The following LRMDA variants were observed in gnomAD, a reference collection of about 807,000 sequenced individuals.
The protein encoded by LRMDA is leucine-rich melanocyte differentiation-associated protein.
LRMDA carries 18 observed loss-of-function variants against 29.8 expected under a neutral mutation model. The observed-to-expected ratio is 0.60, with a 90% CI of 0.42 to 0.90. LRMDA has a LOEUF of 0.90. Ranked by LOEUF, LRMDA falls within the 40% of genes least tolerant of loss-of-function variation. LRMDA has a pLI of 0.00. For missense variants in LRMDA, 273 were observed against 273.9 expected (o/e 1.00, Z 0.02); for synonymous variants, 125 against 109.4 (o/e 1.14, Z -0.89).
intron 2 of LRMDA, among the ~76,000 whole-genome samples, chr10:75,581,301 A>G (rs576956270): frequency 2.6e-5 from 4 of 152,376 alleles, no homozygotes; most frequent in South Asian, 2.1e-4. Flanking sequence ...TGCAGCCAAT[A>G]TACATATGAA....
At chr10:75,445,567 T>G (rs1844382671) in intron 2 of LRMDA, among the ~76,000 whole-genome samples, 1 of 38 alleles carries the variant, frequency 0.026, no homozygotes, top group East Asian at 0.5. Context: ...TTCTGTGCTT[T>G]AGCCGGGTTG....
At chr10:76,041,580 C>T (rs1199559635) in intron 3 of LRMDA, among the ~76,000 whole-genome samples, 1 of 152,170 alleles carries the variant, frequency 6.6e-6, no homozygotes, top group African/African-American at 2.4e-5. Flanking sequence ...GCCCTTTAAC[C>T]CGCAGCTGAG....
At chr10:76,428,437 A>G (rs1040247955) in intron 6 of LRMDA, among the ~76,000 whole-genome samples, 2 of 152,052 alleles carry the variant, frequency 1.3e-5, no homozygotes, top group Admixed American at 6.6e-5. Flanking sequence ...TCATCTTTTA[A>G]CTTCATGATG....
intron 5 of LRMDA, among the ~76,000 whole-genome samples, chr10:76,252,189 C>A (rs191080939): frequency 6.6e-6 from 1 of 152,156 alleles, no homozygotes. Flanking sequence ...GTCCGGGAGG[C>A]CAACCGGGAG....
At chr10:75,991,052 AGT>A (rs1338717983) in intron 2 of LRMDA, among the ~76,000 whole-genome samples, 9 of 152,206 alleles carry the variant, frequency 5.9e-5, no homozygotes, top group African/African-American at 1.9e-4. Context: ...GATGGTAAAC[AGT>A]GTAGACTTAG....
At chr10:75,942,738 C>T (rs566084852) in intron 2 of LRMDA, among the ~76,000 whole-genome samples, 12 of 152,272 alleles carry the variant, frequency 7.9e-5, no homozygotes, top group African/African-American at 2.4e-4. Context: ...CACACTGGGT[C>T]TTTGGGTTCC....
chr10:76,088,187 C>T lies in LRMDA; in HGVS notation c.516+29404C>T, dbSNP rs190147940. 8.0e-4 allele frequency among the ~76,000 whole-genome samples: 122 copies of T among 152,186 alleles called. 1 individual carries two copies. In the East Asian group the frequency reaches 0.021, roughly 26 times the overall value. On this transcript the variant is annotated intron_variant, in intron 5 of 6. Coordinates refer to ENST00000611255, the MANE Select transcript of LRMDA (RefSeq NM_001305581.2). The stretch of plus-strand genomic sequence containing the variant: ...ACAGTGGCACCTAAACCTGGCAGAG[C>T]GGAAAGTGATCCATCACTGCTGTAA...
intron 5 of LRMDA, among the ~76,000 whole-genome samples, chr10:76,316,133 G>T (rs889199890): frequency 1.1e-4 from 17 of 152,206 alleles, no homozygotes; most frequent in Admixed American, 1.0e-3. Flanking sequence ...ACACGTTGCA[G>T]GTAATGAGAA....
At chr10:76,166,168 T>C (rs1315422088) in intron 5 of LRMDA, among the ~76,000 whole-genome samples, 1 of 152,210 alleles carries the variant, frequency 6.6e-6, no homozygotes, top group Non-Finnish European at 1.5e-5. Flanking sequence ...CACATATTTA[T>C]GGGTCATTTT....
At chr10:75,947,539 A>G (rs1846498031) in intron 2 of LRMDA, among the ~76,000 whole-genome samples, 1 of 152,036 alleles carries the variant, frequency 6.6e-6, no homozygotes, top group Admixed American at 6.5e-5. Context: ...AAGGGGAGGG[A>G]CCCTTGGGTA....
chr10:76,081,785 A>G (rs937039644), intron 5 of LRMDA, among the ~76,000 whole-genome samples: 2 of 152,254 alleles, frequency 1.3e-5, no homozygotes, highest in African/African-American at 2.4e-5. Context: ...GTACACACAT[A>G]CATGCTTACC....
chr10:75,867,130 A>G (rs1182665275), intron 2 of LRMDA, among the ~76,000 whole-genome samples: 1 of 152,168 alleles, frequency 6.6e-6, no homozygotes, highest in Non-Finnish European at 1.5e-5. Context: ...CACCCTGTCA[A>G]TAAATATCCT....
At chr10:75,436,434 G>C (rs1223214429) in intron 1 of LRMDA, among the ~76,000 whole-genome samples, 5 of 151,854 alleles carry the variant, frequency 3.3e-5, no homozygotes, top group Non-Finnish European at 5.9e-5. Context: ...TGGACCTGGG[G>C]TTCATTGTGA....
intron 2 of LRMDA, among the ~76,000 whole-genome samples, chr10:75,739,065 G>A (rs540820989): frequency 2.4e-4 from 36 of 152,306 alleles, no homozygotes; most frequent in Non-Finnish European, 3.4e-4. Flanking sequence ...CTGTGTGGCC[G>A]CTGCGAGAGG....
chr10:75,896,841 T>TTGTGTGTGTGTGTGTGTGTGTG (rs35428137), intron 2 of LRMDA, among the ~76,000 whole-genome samples: 8 of 147,442 alleles, frequency 5.4e-5, no homozygotes, highest in South Asian at 4.4e-4. Context: ...GAGTGTGCAT[T>TTGTGTGTGTGTGTGTGTGTGTG]TGTGTGTGTG....
intron 6 of LRMDA, among the ~76,000 whole-genome samples, chr10:76,489,017 T>C (rs1050519964): frequency 6.6e-6 from 1 of 151,898 alleles, no homozygotes; most frequent in African/African-American, 2.4e-5. Flanking sequence ...TCAGAATTGA[T>C]ACCAGAATTA....
At chr10:76,025,858 A>C (rs1052925381) in intron 2 of LRMDA, among the ~76,000 whole-genome samples, 4 of 152,186 alleles carry the variant, frequency 2.6e-5, no homozygotes, top group Non-Finnish European at 5.9e-5. Context: ...TTATCTGGTA[A>C]CTGCTTCCCT....
chr10:76,164,312 A>G (rs1850696937), intron 5 of LRMDA, among the ~76,000 whole-genome samples: 1 of 152,192 alleles, frequency 6.6e-6, no homozygotes, highest in South Asian at 2.1e-4. Flanking sequence ...TACTTTTCTC[A>G]GTTCCATCAT....
chr10:76,553,094 G>C (rs1182477701), intron 6 of LRMDA, among the ~76,000 whole-genome samples: 2 of 152,146 alleles, frequency 1.3e-5, no homozygotes, highest in Non-Finnish European at 2.9e-5. Flanking sequence ...GGGAAAGCTG[G>C]CTACTTAAGA....
Sources: allele counts gnomAD v4.1 joint callset (sites outside exome capture counted in the v4.1 genomes callset), GRCh38; gene constraint gnomAD v4.1.1; transcripts MANE v1.5; gene names NCBI Gene and HGNC (gene_info 2026-07-23, HGNC 2026-07-21).